MAF: variants seen among roughly 807,000 people sequenced by gnomAD.
MAF encodes the protein MAF bZIP transcription factor.
MAF carries 10 observed loss-of-function variants against 22.0 expected under a neutral mutation model. The ratio of observed to expected loss-of-function variants is 0.45; its 90% CI spans 0.28 to 0.77. MAF has a LOEUF of 0.77. MAF is among the 30% of genes least tolerant of loss of function. The pLI is 0.12. For missense variants in MAF, 544 were observed against 548.4 expected (o/e 0.99, Z 0.08); for synonymous variants, 337 against 255.8 (o/e 1.32, Z -3.03).
chr16:79,253,043 T>C, the MAF span, among the ~76,000 whole-genome samples: 1 of 152,184 alleles, frequency 6.6e-6, no homozygotes. Flanking sequence ...GCAGATTAAA[T>C]GAGATAAGAC....
chr16:79,590,876 C>CGG (rs1486455260), downstream of MAF, among the ~76,000 whole-genome samples: 2 of 152,118 alleles, frequency 1.3e-5, no homozygotes, highest in Non-Finnish European at 2.9e-5. Flanking sequence ...CTGGGATCCT[C>CGG]GGCCTGCTTT....
chr16:79,379,630 C>T, the MAF span, among the ~76,000 whole-genome samples: 1 of 152,054 alleles, frequency 6.6e-6, no homozygotes, highest in Non-Finnish European at 1.5e-5. Context: ...TAAACTTTAT[C>T]AAGAGTGGTC....
chr16:79,220,914 G>T, the MAF span, among the ~76,000 whole-genome samples: 17 of 152,264 alleles, frequency 1.1e-4, no homozygotes, highest in East Asian at 2.9e-3. Context: ...TAACCTTACC[G>T]GGAGATGCCA....
At chr16:79,543,722 T>C in the MAF span, among the ~76,000 whole-genome samples, 28 of 149,584 alleles carry the variant, frequency 1.9e-4, no homozygotes, top group Non-Finnish European at 1.5e-4. Context: ...AGTCTCGCTC[T>C]GTCGCCCAGG....
At chr16:79,298,633 AC>A in the MAF span, among the ~76,000 whole-genome samples, 6 of 152,186 alleles carry the variant, frequency 3.9e-5, no homozygotes, top group African/African-American at 9.7e-5. Context: ...GCATGCAAAG[AC>A]CCAGGGAAGA....
At chr16:79,384,592 C>T in the MAF span, among the ~76,000 whole-genome samples, 2 of 151,930 alleles carry the variant, frequency 1.3e-5, no homozygotes, top group East Asian at 1.9e-4. Flanking sequence ...CCTGTCTCTA[C>T]TAAAAATACA....
the MAF span, among the ~76,000 whole-genome samples, chr16:79,545,008 G>A: frequency 6.6e-6 from 1 of 152,104 alleles, no homozygotes; most frequent in Non-Finnish European, 1.5e-5. Context: ...GCAATCTTGG[G>A]TCAGGGACCA....
the MAF span, among the ~76,000 whole-genome samples, chr16:79,402,577 C>G: frequency 3.9e-4 from 59 of 152,318 alleles, no homozygotes; most frequent in African/African-American, 1.3e-3. Flanking sequence ...AGGAGCAGGG[C>G]TGGCGTGCAG....
the MAF span, among the ~76,000 whole-genome samples, chr16:79,222,457 A>G: frequency 2.0e-5 from 3 of 152,218 alleles, no homozygotes; most frequent in South Asian, 2.1e-4. Flanking sequence ...AGCTAGCATC[A>G]TAATGACAGG....
the MAF span, among the ~76,000 whole-genome samples, chr16:79,385,021 G>A: frequency 1.3e-5 from 2 of 152,170 alleles, no homozygotes; most frequent in African/African-American, 2.4e-5. Flanking sequence ...ACAGGATCAG[G>A]AAAGGTCTTC....
chr16:79,306,953 A>C, the MAF span, among the ~76,000 whole-genome samples: 1 of 152,220 alleles, frequency 6.6e-6, no homozygotes, highest in African/African-American at 2.4e-5. Flanking sequence ...TGCTGGGAGC[A>C]TCATAAGCAT....
the MAF span, among the ~76,000 whole-genome samples, chr16:79,448,957 T>C: frequency 4.8e-3 from 736 of 152,290 alleles, 6 homozygotes; most frequent in African/African-American, 0.016. Context: ...ATGATTACAT[T>C]GTATATATAA....
At chr16:79,211,576 A>ATT in the MAF span, 9 of 1,607,850 alleles carry the variant, frequency 5.6e-6, no homozygotes, top group African/African-American at 9.4e-5. Context: ...TTTTCTTAAA[A>ATT]TTTTTTTTTG....
chr16:79,448,800 G>A, the MAF span, among the ~76,000 whole-genome samples: 1 of 151,888 alleles, frequency 6.6e-6, no homozygotes, highest in East Asian at 1.9e-4. Context: ...TTATACTACA[G>A]TATAGTATAA....
chr16:79,556,582 G>A, the MAF span, among the ~76,000 whole-genome samples: 1 of 152,200 alleles, frequency 6.6e-6, no homozygotes, highest in Non-Finnish European at 1.5e-5. Flanking sequence ...TGATGAAATT[G>A]AATATATAAC....
the MAF span, among the ~76,000 whole-genome samples, chr16:79,444,111 A>G: frequency 1.2e-3 from 186 of 152,298 alleles, 1 homozygote; most frequent in African/African-American, 4.1e-3. Flanking sequence ...GGGAAAAATC[A>G]TGATAGAATA....
chr16:79,313,698 G>C, the MAF span, among the ~76,000 whole-genome samples: 1 of 152,080 alleles, frequency 6.6e-6, no homozygotes, highest in African/African-American at 2.4e-5. Flanking sequence ...CCTTGCTTCT[G>C]TGGAACCCTA....
the MAF span, among the ~76,000 whole-genome samples, chr16:79,434,659 TGA>T: frequency 6.6e-6 from 1 of 151,646 alleles, no homozygotes; most frequent in South Asian, 2.1e-4. Context: ...TTAAAGTAGA[TGA>T]GATACCATTT....
At chr16:79,335,196 A>G in the MAF span, among the ~76,000 whole-genome samples, 27 of 151,816 alleles carry the variant, frequency 1.8e-4, no homozygotes, top group Admixed American at 9.2e-4. Context: ...AAAAAAAAAA[A>G]AAAGAAAGAA....
Sources: gnomAD v4.1 joint callset for allele counts (sites outside exome capture counted in the v4.1 genomes callset) on GRCh38, gnomAD v4.1.1 for gene constraint, MANE v1.5 for transcripts, NCBI Gene and HGNC (gene_info 2026-07-23, HGNC 2026-07-21) for gene names.